The following ATG10 variants were observed in gnomAD, a reference collection of about 807,000 sequenced individuals.
ATG10 encodes ubiquitin-like-conjugating enzyme ATG10.
In ATG10, 30 loss-of-function variants were observed where a neutral mutation model predicts 32.1. That is an observed-to-expected ratio of 0.94 (90% CI 0.70 to 1.27). The LOEUF is 1.27. ATG10 is among the 50% of genes most tolerant of loss of function. The pLI, the probability that ATG10 is intolerant of heterozygous loss-of-function variation, is 0.00. For synonymous variants in ATG10, 87 were observed against 91.5 expected, an observed-to-expected ratio of 0.95 and a Z score of 0.28; for missense variants, 233 against 262.3, an observed-to-expected ratio of 0.89 and a Z score of 0.77.
chr5:82,183,057 T>A (rs1010086994), intron 5 of ATG10, among the ~76,000 whole-genome samples: 1 of 152,050 alleles, frequency 6.6e-6, no homozygotes, highest in Non-Finnish European at 1.5e-5. Flanking sequence ...TTTGTATAAT[T>A]TCTTACAACT....
intron 3 of ATG10, among the ~76,000 whole-genome samples, chr5:82,092,115 A>G (rs1224838791): frequency 6.6e-6 from 1 of 152,140 alleles, no homozygotes; most frequent in Non-Finnish European, 1.5e-5. Context: ...GGGTTTGAAC[A>G]TTTTTCTTTT....
At chr5:82,223,161 G>A (rs1417463954) in intron 5 of ATG10, among the ~76,000 whole-genome samples, 1 of 152,148 alleles carries the variant, frequency 6.6e-6, no homozygotes, top group Non-Finnish European at 1.5e-5. Flanking sequence ...ATTATCATTT[G>A]CTATCTGTTT....
At chr5:82,132,224 G>T (rs1268371447) in intron 3 of ATG10, among the ~76,000 whole-genome samples, 2 of 152,010 alleles carry the variant, frequency 1.3e-5, no homozygotes, top group African/African-American at 4.8e-5. Flanking sequence ...GGCACTCATT[G>T]AAAGTTAACT....
chr5:82,105,869 GA>G lies in ATG10; in HGVS notation c.216+47273del, dbSNP rs370860990. Among the ~76,000 whole-genome samples, 41 of 152,112 alleles carry G rather than the reference GA, an allele frequency of 2.7e-4. 1 individual carries two copies. In the East Asian group the frequency reaches 7.7e-3, roughly 29 times the overall value. On this transcript the variant is annotated intron_variant, in intron 3 of 7. Coordinates refer to ENST00000282185, the MANE Select transcript of ATG10 (RefSeq NM_031482.5). ...CTTGTTCACATGGAGATTTCTTAAG[GA>G]AAAAATGATTTCCAAGCTATGCAGA...
chr5:81,985,488 A>G (rs1174430483), intron 1 of ATG10, among the ~76,000 whole-genome samples: 1 of 152,040 alleles, frequency 6.6e-6, no homozygotes, highest in African/African-American at 2.4e-5. Flanking sequence ...AGACCCCTTT[A>G]CTTGGACATT....
intron 5 of ATG10, among the ~76,000 whole-genome samples, chr5:82,180,932 A>G (rs1744205331): frequency 6.6e-6 from 1 of 152,136 alleles, no homozygotes; most frequent in Non-Finnish European, 1.5e-5. Context: ...CAATGTTGAC[A>G]TAGATTTCTT....
At chr5:82,073,876 C>T (rs1764198748) in intron 3 of ATG10, among the ~76,000 whole-genome samples, 1 of 152,128 alleles carries the variant, frequency 6.6e-6, no homozygotes, top group Non-Finnish European at 1.5e-5. Flanking sequence ...TTAGAGTAAC[C>T]TTAAGGCAGC....
chr5:82,109,455 G>C (rs1001822906), intron 3 of ATG10, among the ~76,000 whole-genome samples: 1 of 151,932 alleles, frequency 6.6e-6, no homozygotes, highest in Admixed American at 6.6e-5. Context: ...GCTGAAATCT[G>C]TGAACTCTTA....
chr5:82,109,217 TGTGTGCAA>T (rs1211309907), intron 3 of ATG10, among the ~76,000 whole-genome samples: 1 of 152,062 alleles, frequency 6.6e-6, no homozygotes, highest in Non-Finnish European at 1.5e-5. Flanking sequence ...GCATTCTTGC[TGTGTGCAA>T]GGCCTTTGCC....
intron 3 of ATG10, among the ~76,000 whole-genome samples, chr5:82,070,364 A>G (rs1213837340): frequency 1.3e-5 from 2 of 152,166 alleles, no homozygotes; most frequent in Non-Finnish European, 2.9e-5. Flanking sequence ...TAAAATGACT[A>G]TTGGCTATTC....
chr5:82,081,065 A>G (rs928641424), intron 3 of ATG10, among the ~76,000 whole-genome samples: 1 of 152,142 alleles, frequency 6.6e-6, no homozygotes, highest in African/African-American at 2.4e-5. Flanking sequence ...TTCTCCTTGA[A>G]GAGGTCCTTC....
intron 4 of ATG10, among the ~76,000 whole-genome samples, chr5:82,173,210 C>T (rs1561339467): frequency 6.6e-6 from 1 of 152,268 alleles, no homozygotes; most frequent in Middle Eastern, 3.4e-3. Context: ...GTGACTCCAG[C>T]GTGCTTGCAC....
chr5:82,112,867 C>A (rs2149815941), intron 3 of ATG10, among the ~76,000 whole-genome samples: 1 of 151,904 alleles, frequency 6.6e-6, no homozygotes, highest in South Asian at 2.1e-4. Context: ...CCATATTGTG[C>A]AAGTGGTTAG....
At chr5:82,225,760 C>A (rs541370666) in intron 5 of ATG10, among the ~76,000 whole-genome samples, 2 of 152,184 alleles carry the variant, frequency 1.3e-5, no homozygotes, top group Admixed American at 1.3e-4. Context: ...CTCTGGCGGT[C>A]TCTGGTGGTC....
At chr5:81,976,847 G>GT (rs1353705412) in intron 1 of ATG10, among the ~76,000 whole-genome samples, 1 of 152,148 alleles carries the variant, frequency 6.6e-6, no homozygotes, top group Non-Finnish European at 1.5e-5. Flanking sequence ...GCATAAATGG[G>GT]TTAACCATTG....
chr5:82,074,800 C>T (rs1415206520), intron 3 of ATG10, among the ~76,000 whole-genome samples: 4 of 152,192 alleles, frequency 2.6e-5, no homozygotes, highest in African/African-American at 9.7e-5. Context: ...AATCACCTAA[C>T]ACTTTATGTT....
At chr5:82,125,815 G>A (rs1325352376) in intron 3 of ATG10, among the ~76,000 whole-genome samples, 3 of 152,162 alleles carry the variant, frequency 2.0e-5, no homozygotes, top group African/African-American at 7.2e-5. Flanking sequence ...TGTGAAGAAA[G>A]TCACTGGTAG....
chr5:82,054,380 G>T (rs2149744317), intron 2 of ATG10, among the ~76,000 whole-genome samples: 1 of 152,276 alleles, frequency 6.6e-6, no homozygotes, highest in East Asian at 1.9e-4. Context: ...TTGAGATTCT[G>T]CCTGTCTGTC....
At chr5:82,213,695 C>T (rs780397102) in intron 5 of ATG10, among the ~76,000 whole-genome samples, 6 of 152,184 alleles carry the variant, frequency 3.9e-5, no homozygotes, top group African/African-American at 1.2e-4. Context: ...CGACCAGTCA[C>T]GCTGTCATCT....
Sources: gnomAD v4.1 joint callset for allele counts (sites outside exome capture counted in the v4.1 genomes callset) on GRCh38, gnomAD v4.1.1 for gene constraint, MANE v1.5 for transcripts, NCBI Gene and HGNC (gene_info 2026-07-23, HGNC 2026-07-21) for gene names.